Variants in CDC42SE2 observed in about 807,000 individuals in gnomAD.
CDC42SE2 encodes CDC42 small effector 2.
A neutral mutation model predicts 11.5 loss-of-function variants in CDC42SE2; 3 were observed. The ratio of observed to expected loss-of-function variants is 0.26; its 90% confidence interval spans 0.12 to 0.67. The LOEUF is 0.67. Among genes scored for constraint, CDC42SE2 ranks in the 30% least tolerant of loss-of-function variants. The pLI, the probability that CDC42SE2 is intolerant of heterozygous loss-of-function variation, is 0.80. For synonymous variants in CDC42SE2, 33 were observed against 34.8 expected, an observed-to-expected ratio of 0.95 and a Z score of 0.18; for missense variants, 82 against 106.8, an observed-to-expected ratio of 0.77 and a Z score of 1.02.
chr5:131,319,538 A>G (rs1758116726), intron 2 of CDC42SE2, among the ~76,000 whole-genome samples: 1 of 152,168 alleles, frequency 6.6e-6, no homozygotes, highest in Non-Finnish European at 1.5e-5. Context: ...TTTGACATGC[A>G]GTATTGTTTC....
the CDC42SE2 span, among the ~76,000 whole-genome samples, chr5:131,225,648 C>T: frequency 1.3e-5 from 2 of 152,124 alleles, no homozygotes; most frequent in Non-Finnish European, 2.9e-5. Flanking sequence ...GCCCTACTTC[C>T]CTGCCTGAGA....
intron 4 of CDC42SE2, among the ~76,000 whole-genome samples, chr5:131,387,086 T>C (rs1750509170): frequency 6.6e-6 from 1 of 152,234 alleles, no homozygotes; most frequent in Non-Finnish European, 1.5e-5. Flanking sequence ...TCAGTAGTTT[T>C]GTTTCCTGCA....
chr5:131,239,610 T>C, the CDC42SE2 span, among the ~76,000 whole-genome samples: 1 of 152,196 alleles, frequency 6.6e-6, no homozygotes, highest in Non-Finnish European at 1.5e-5. Flanking sequence ...CAGTGTAAAA[T>C]TCATGGACCA....
chr5:131,318,520 A>C (rs534451317), intron 2 of CDC42SE2, among the ~76,000 whole-genome samples: 3 of 152,204 alleles, frequency 2.0e-5, no homozygotes, highest in Non-Finnish European at 2.9e-5. Flanking sequence ...TTTCAACCTG[A>C]AAACATAGTT....
the CDC42SE2 span, among the ~76,000 whole-genome samples, chr5:131,232,746 A>C: frequency 4.7e-5 from 7 of 149,820 alleles, no homozygotes; most frequent in African/African-American, 1.2e-4. Context: ...AAAAAAAAAA[A>C]AAAAAAAAAC....
chr5:131,250,462 A>C, intron 1 of CDC42SE2, among the ~76,000 whole-genome samples: 1 of 152,222 alleles, frequency 6.6e-6, no homozygotes, highest in East Asian at 1.9e-4. Context: ...TTGCTAAGTG[A>C]AATAGGTAAA....
intron 2 of CDC42SE2, among the ~76,000 whole-genome samples, chr5:131,351,276 A>G (rs1448112017): frequency 6.6e-6 from 1 of 151,244 alleles, no homozygotes; most frequent in African/African-American, 2.4e-5. Flanking sequence ...TTTTCCTGAG[A>G]CGGAGTCTCG....
At chr5:131,358,389 T>G (rs1749614691) in intron 2 of CDC42SE2, among the ~76,000 whole-genome samples, 1 of 152,152 alleles carries the variant, frequency 6.6e-6, no homozygotes, top group African/African-American at 2.4e-5. Flanking sequence ...CCCACTTCTC[T>G]TTTGCCGCTG....
At chr5:131,234,048 G>T in the CDC42SE2 span, among the ~76,000 whole-genome samples, 1 of 151,712 alleles carries the variant, frequency 6.6e-6, no homozygotes, top group Non-Finnish European at 1.5e-5. Context: ...TATTATATGT[G>T]CAAGAAAAAA....
chr5:131,280,864 T>A lies in CDC42SE2; in HGVS notation c.-455+16698T>A, dbSNP rs866177681. 2.6e-4 allele frequency among the ~76,000 whole-genome samples: 39 copies of A among 152,314 alleles called. No individual in the cohort carries two copies. In the Middle Eastern group the frequency reaches 0.01, roughly 40 times the overall value. On this transcript the variant is annotated intron_variant, in intron 1 of 4. Coordinates refer to ENST00000505065, the MANE Select transcript of CDC42SE2 (RefSeq NM_001375635.1). The stretch of plus-strand genomic sequence containing the variant: ...ACAATTTTATTAGATATTGCTACCC[T>A]TTTTATGTGTGAGAATGAGGAGTGA...
At chr5:131,287,470 CT>C (rs879882960) in intron 1 of CDC42SE2, among the ~76,000 whole-genome samples, 175 of 141,182 alleles carry the variant, frequency 1.2e-3, no homozygotes, top group Middle Eastern at 3.8e-3. Context: ...TTTTCTTTTT[CT>C]TTTTTTTTTT....
intron 2 of CDC42SE2, among the ~76,000 whole-genome samples, chr5:131,324,345 G>A (rs956772900): frequency 4.6e-5 from 7 of 152,108 alleles, no homozygotes; most frequent in Non-Finnish European, 1.5e-5. Flanking sequence ...CATTATATTT[G>A]GTGTGTGACT....
In CDC42SE2 at chr5:131,337,321, G is replaced by A. The variant is rs191754186; in HGVS notation, c.-286+21177G>A. Among the ~76,000 whole-genome samples the A allele has an allele frequency of 1.1e-4, 16 of 152,254 alleles. No individual in the cohort carries two copies. The South Asian group carries it at 2.5e-3, about 24-fold the overall frequency. ...CGCAAATGCTGCTGCCTGATCGTTC[G>A]TCTGGAAGTTTTGTCTCAGAGGAGT... On this transcript the variant is annotated intron_variant, in intron 2 of 4. Transcript: ENST00000505065.
chr5:131,223,329 C>T, the CDC42SE2 span, among the ~76,000 whole-genome samples: 6 of 152,222 alleles, frequency 3.9e-5, no homozygotes, highest in Middle Eastern at 3.4e-3. Flanking sequence ...CCTTGACCTT[C>T]GCTTTTGGGA....
intron 2 of CDC42SE2, among the ~76,000 whole-genome samples, chr5:131,333,354 T>G (rs1156737937): frequency 6.6e-6 from 1 of 152,234 alleles, no homozygotes; most frequent in Non-Finnish European, 1.5e-5. Flanking sequence ...AGTACCATGC[T>G]GTTTGGTTAC....
intron 3 of CDC42SE2, among the ~76,000 whole-genome samples, chr5:131,373,417 T>C (rs1285798697): frequency 6.6e-6 from 1 of 152,174 alleles, no homozygotes; most frequent in Non-Finnish European, 1.5e-5. Flanking sequence ...CCTGCCTTCA[T>C]CTTAGAATGC....
chr5:131,359,237 C>T lies in CDC42SE2; in HGVS notation c.-257C>T. On this transcript the variant is annotated 5_prime_UTR_variant, in exon 3 of 5. Transcript: ENST00000505065. ...ATCTGTTATAGTCCCTGGGTCAAGA[C>T]AACAATTTTTATACCTTCGTCGTGG... 1.4e-5 allele frequency: 7 copies of T among 506,558 alleles called. No homozygotes were observed. The South Asian group carries it at 1.6e-4, about 11-fold the overall frequency. 31.4% of individuals were successfully genotyped at this position (506,558 alleles called of 1,614,324 possible). A position where few individuals can be genotyped will look rare whatever the true frequency, so the allele number is the denominator to read the frequency against.
At chr5:131,251,178 A>T (rs956833340) in intron 1 of CDC42SE2, among the ~76,000 whole-genome samples, 1 of 152,242 alleles carries the variant, frequency 6.6e-6, no homozygotes, top group Non-Finnish European at 1.5e-5. Flanking sequence ...TGTTTTATTC[A>T]ATTACAATTT....
At chr5:131,378,259 T>G (rs1348880980) in intron 3 of CDC42SE2, among the ~76,000 whole-genome samples, 2 of 152,228 alleles carry the variant, frequency 1.3e-5, no homozygotes, top group Non-Finnish European at 2.9e-5. Context: ...ATTTTTTGTG[T>G]CAATGAATAT....
Sources: allele counts gnomAD v4.1 joint callset (sites outside exome capture counted in the v4.1 genomes callset), GRCh38; gene constraint gnomAD v4.1.1; transcripts MANE v1.5; gene names NCBI Gene and HGNC (gene_info 2026-07-23, HGNC 2026-07-21).